The following CRB1 variants were observed in gnomAD, a reference collection of about 807,000 sequenced individuals.
The protein encoded by CRB1 is crumbs cell polarity complex component 1, also known as protein crumbs homolog 1.
Under a neutral mutation model 120.0 loss-of-function variants are expected in CRB1, and 83 were observed. The observed-to-expected ratio is 0.69, with a 90% CI of 0.58 to 0.83. The LOEUF (loss-of-function observed/expected upper bound fraction) is 0.83. Ranked by LOEUF, CRB1 falls within the 40% of genes least tolerant of loss-of-function variation. CRB1 has a pLI of 0.00. For synonymous variants in CRB1, 625 were observed against 612.5 expected (o/e 1.02, Z -0.30); for missense variants, 1,699 against 1,687.6 (o/e 1.01, Z -0.12).
At position 197,296,665 on chromosome 1, in the gene CRB1, C is replaced by T. The variant is rs142220081; in HGVS notation, c.70+28183C>T. 3.0e-3 allele frequency among the ~76,000 whole-genome samples: 462 copies of T among 152,158 alleles called. 2 individuals are homozygous for T. Among genetic ancestry groups the T allele is most frequent in the African/African-American group, 0.01 (436 of 41,538 alleles). ...TTGATATGGTTTGGCTGTGTCCCCA[C>T]CCAAATATCATCTTGAATTGTAGCT... On this transcript the variant is annotated intron_variant, in intron 1 of 11. Transcript: ENST00000367400.
intron 3 of CRB1, among the ~76,000 whole-genome samples, chr1:197,345,502 CTTTTT>C (rs972072957): frequency 1.1e-4 from 10 of 90,594 alleles, no homozygotes; most frequent in East Asian, 3.1e-4. Flanking sequence ...AAAATAATGA[CTTTTT>C]TTTTTTTTTT....
chr1:197,276,065 C>T (rs977012419), intron 1 of CRB1, among the ~76,000 whole-genome samples: 1 of 151,694 alleles, frequency 6.6e-6, no homozygotes, highest in Non-Finnish European at 1.5e-5. Context: ...TTCAAAGTTT[C>T]GTTGCAACAT....
At chr1:197,235,614 C>G in the CRB1 span, among the ~76,000 whole-genome samples, 1 of 152,110 alleles carries the variant, frequency 6.6e-6, no homozygotes, top group African/African-American at 2.4e-5. Flanking sequence ...GCGAAACCAC[C>G]CACTGAGTGT....
intron 11 of CRB1, chr1:197,443,593 T>A: frequency 6.6e-6 from 1 of 151,782 alleles, no homozygotes; most frequent in East Asian, 1.9e-4. Context: ...AGAAGCATGG[T>A]TTTCTAAGAT....
chr1:197,382,553 C>A (rs552711046), intron 5 of CRB1, among the ~76,000 whole-genome samples: 7 of 152,178 alleles, frequency 4.6e-5, no homozygotes, highest in African/African-American at 1.4e-4. Flanking sequence ...GACAGCAAGA[C>A]GTTTTTCAAA....
intron 5 of CRB1, among the ~76,000 whole-genome samples, chr1:197,409,337 T>A (rs1402516318): frequency 6.6e-6 from 1 of 152,242 alleles, no homozygotes; most frequent in Non-Finnish European, 1.5e-5. Flanking sequence ...AACACATTTT[T>A]ATAATTCTTG....
intron 4 of CRB1, among the ~76,000 whole-genome samples, chr1:197,354,747 TACA>T (rs1440181423): frequency 1.5e-5 from 2 of 131,658 alleles, no homozygotes; most frequent in Admixed American, 1.7e-4. Context: ...CTCCACAGTG[TACA>T]ACATGACCTC....
rs76399021 is a variant in CRB1, at chr1:197,394,086, T to G, written c.1172-26914T>G. On this transcript the variant is annotated intron_variant, in intron 5 of 11. Coordinates refer to ENST00000367400, the MANE Select transcript of CRB1 (RefSeq NM_201253.3). ...GCATGGGTCCAACTATATGCAGATT[T>G]TCTTCTGCCTGTGCCCAACTATGTG... 4.9e-3 allele frequency among the ~76,000 whole-genome samples: 741 copies of G among 152,132 alleles called. 4 individuals are homozygous for G. The highest frequency in any genetic ancestry group is 9.6e-3 in the Admixed American group (146 of 15,250).
In CRB1 at chr1:197,271,611, G is replaced by A. The variant is rs116057217; in HGVS notation, c.70+3129G>A. On this transcript the variant is annotated intron_variant, in intron 1 of 11. Coordinates refer to ENST00000367400, the MANE Select transcript of CRB1 (RefSeq NM_201253.3). The stretch of plus-strand genomic sequence containing the variant: ...CAATTAAATTTTAATAATTCAAGAA[G>A]AGCTATTATTTTTTGCTTCTGATGT... Among the ~76,000 whole-genome samples the A allele has an allele frequency of 3.1e-3, 476 of 152,248 alleles. 1 individual carries two copies. The highest frequency in any genetic ancestry group is 0.011 in the African/African-American group (458 of 41,552).
At chr1:197,417,506 A>G (rs1403284106) in intron 5 of CRB1, among the ~76,000 whole-genome samples, 1 of 152,200 alleles carries the variant, frequency 6.6e-6, no homozygotes, top group East Asian at 1.9e-4. Context: ...GAGTTGATAA[A>G]GAAGGAAGAA....
intron 1 of CRB1, among the ~76,000 whole-genome samples, chr1:197,284,989 A>G (rs957152965): frequency 6.6e-6 from 1 of 151,932 alleles, no homozygotes; most frequent in African/African-American, 2.4e-5. Context: ...AGTGGTTATC[A>G]TAGATGACTT....
At chr1:197,212,344 A>G in the CRB1 span, among the ~76,000 whole-genome samples, 5 of 152,318 alleles carry the variant, frequency 3.3e-5, no homozygotes, top group East Asian at 9.6e-4. Flanking sequence ...TTTACTTGTA[A>G]TAGCCAAACA....
chr1:197,344,169 G>C (rs1659631401), intron 2 of CRB1, 112 bp from the exon 3 acceptor site: 1 of 1,067,992 alleles, frequency 9.4e-7, no homozygotes, highest in Non-Finnish European at 1.5e-6. Flanking sequence ...AGTTATTTTG[G>C]GTAACAGAAC....
At chr1:197,232,118 G>C in the CRB1 span, among the ~76,000 whole-genome samples, 14 of 152,248 alleles carry the variant, frequency 9.2e-5, no homozygotes, top group East Asian at 1.7e-3. Context: ...ATGCAGCAAT[G>C]AACTAAGGAA....
At chr1:197,350,072 A>G (rs894650591) in intron 4 of CRB1, among the ~76,000 whole-genome samples, 1 of 149,604 alleles carries the variant, frequency 6.7e-6, no homozygotes, top group Non-Finnish European at 1.5e-5. Context: ...TGCAGTCCGC[A>G]GTCCGGCCTG....
At chr1:197,403,508 C>T (rs1354669056) in intron 5 of CRB1, among the ~76,000 whole-genome samples, 3 of 152,166 alleles carry the variant, frequency 2.0e-5, no homozygotes, top group Non-Finnish European at 4.4e-5. Flanking sequence ...TACTTGCAAC[C>T]ATCCTATAAC....
intron 5 of CRB1, among the ~76,000 whole-genome samples, chr1:197,417,492 A>G (rs1448861795): frequency 6.6e-6 from 1 of 152,282 alleles, no homozygotes; most frequent in East Asian, 1.9e-4. Flanking sequence ...GAATCCCACT[A>G]AAAGAGTTGA....
intron 5 of CRB1, among the ~76,000 whole-genome samples, chr1:197,396,581 T>C (rs536734092): frequency 1.3e-5 from 2 of 152,228 alleles, no homozygotes; most frequent in Non-Finnish European, 2.9e-5. Flanking sequence ...AGATCTGTTA[T>C]AGAAGCACAG....
chr1:197,299,829 A>AT lies in CRB1; in HGVS notation c.71-28585dup, dbSNP rs201645153. ...CAGTAATGTGCTTCACAGATACTGC[A>AT]TTTTTTTTCACAAATTGAAAGTTTG... On this transcript the variant is annotated intron_variant, in intron 1 of 11. Transcript: ENST00000367400. 7.8e-4 allele frequency among the ~76,000 whole-genome samples: 116 copies of AT among 149,466 alleles called. 1 individual carries two copies. In the East Asian group the frequency reaches 0.021, roughly 27 times the overall value.
Sources: allele counts gnomAD v4.1 joint callset (sites outside exome capture counted in the v4.1 genomes callset), GRCh38; gene constraint gnomAD v4.1.1; transcripts MANE v1.5; gene names NCBI Gene and HGNC (gene_info 2026-07-23, HGNC 2026-07-21).